Variants in CNTN5 observed in about 807,000 individuals in gnomAD.
The protein encoded by CNTN5 is contactin 5.
In CNTN5, 77 loss-of-function variants were observed where a neutral mutation model predicts 129.1. The ratio of observed to expected loss-of-function variants is 0.60; its 90% CI spans 0.50 to 0.72. The LOEUF is 0.72. CNTN5 is among the 30% of genes least tolerant of loss of function. The probability of loss-of-function intolerance (pLI) is 0.00; values close to 1 mark genes in which losing one functional copy is unlikely to be tolerated. For synonymous variants in CNTN5, 509 were observed against 465.6 expected (o/e 1.09, Z -1.20); for missense variants, 1,478 against 1,328.8 (o/e 1.11, Z -1.75).
chr11:99,809,946 G>T (rs1410775197), intron 3 of CNTN5, among the ~76,000 whole-genome samples: 1 of 151,920 alleles, frequency 6.6e-6, no homozygotes, highest in African/African-American at 2.4e-5. Context: ...AATTAATTTG[G>T]TTATATTTCT....
intron 2 of CNTN5, among the ~76,000 whole-genome samples, chr11:99,552,207 G>GTTTTTTT (rs758718492): frequency 1.4e-5 from 2 of 146,748 alleles, no homozygotes; most frequent in African/African-American, 5.1e-5. Context: ...CACCTGGTCA[G>GTTTTTTT]TTTTTGTGTT....
At chr11:99,531,765 C>T (rs1391192383) in intron 2 of CNTN5, among the ~76,000 whole-genome samples, 1 of 152,182 alleles carries the variant, frequency 6.6e-6, no homozygotes, top group African/African-American at 2.4e-5. Flanking sequence ...TGGCATTGAG[C>T]GTTCGAGTGC....
chr11:99,404,863 T>A (rs542610352), intron 2 of CNTN5, among the ~76,000 whole-genome samples: 2 of 152,276 alleles, frequency 1.3e-5, no homozygotes, highest in African/African-American at 4.8e-5. Context: ...CTTCTCTCTC[T>A]TATTGAAGTA....
intron 9 of CNTN5, among the ~76,000 whole-genome samples, chr11:100,022,292 G>T (rs1393130768): frequency 6.6e-6 from 1 of 152,164 alleles, no homozygotes; most frequent in Non-Finnish European, 1.5e-5. Flanking sequence ...TATGTAGTTG[G>T]GTCTTACTTT....
At chr11:99,217,021 A>G (rs1860161186) in intron 1 of CNTN5, among the ~76,000 whole-genome samples, 1 of 152,182 alleles carries the variant, frequency 6.6e-6, no homozygotes, top group Non-Finnish European at 1.5e-5. Context: ...CGTCTCTACT[A>G]AACATACAAA....
intron 3 of CNTN5, among the ~76,000 whole-genome samples, chr11:99,656,113 G>A (rs1952354037): frequency 6.6e-6 from 1 of 151,940 alleles, no homozygotes; most frequent in South Asian, 2.1e-4. Context: ...AGAGCTAAAT[G>A]GAGTATTAAA....
chr11:99,809,840 A>G (rs1946377858), intron 3 of CNTN5, among the ~76,000 whole-genome samples: 1 of 152,172 alleles, frequency 6.6e-6, no homozygotes, highest in East Asian at 1.9e-4. Context: ...TTAAACACAC[A>G]GAGAATAGGA....
At chr11:99,945,750 G>A (rs1950541317) in intron 7 of CNTN5, among the ~76,000 whole-genome samples, 1 of 151,890 alleles carries the variant, frequency 6.6e-6, no homozygotes, top group African/African-American at 2.4e-5. Context: ...TGGTATAAAG[G>A]CATCTTTTTC....
At chr11:99,246,828 A>C (rs538106792) in intron 1 of CNTN5, among the ~76,000 whole-genome samples, 1 of 152,258 alleles carries the variant, frequency 6.6e-6, no homozygotes, top group Non-Finnish European at 1.5e-5. Context: ...AATCATTACT[A>C]ATCATAGGCT....
At chr11:99,972,858 G>T (rs995799621) in intron 8 of CNTN5, among the ~76,000 whole-genome samples, 2 of 152,054 alleles carry the variant, frequency 1.3e-5, no homozygotes, top group Admixed American at 1.3e-4. Context: ...TTAGGAATCT[G>T]CATTTTCCAC....
chr11:99,558,621 A>G (rs1309157102), intron 3 of CNTN5, among the ~76,000 whole-genome samples: 2 of 152,066 alleles, frequency 1.3e-5, no homozygotes, highest in African/African-American at 4.8e-5. Flanking sequence ...TTGTGGAAAC[A>G]AACACAAAAA....
At chr11:99,299,659 G>T (rs1293016582) in intron 1 of CNTN5, among the ~76,000 whole-genome samples, 1 of 152,104 alleles carries the variant, frequency 6.6e-6, no homozygotes, top group East Asian at 1.9e-4. Flanking sequence ...TTGATTTTCT[G>T]TTTCTGAGTT....
At chr11:99,608,475 G>A (rs1216275328) in intron 3 of CNTN5, among the ~76,000 whole-genome samples, 1 of 152,122 alleles carries the variant, frequency 6.6e-6, no homozygotes, top group African/African-American at 2.4e-5. Flanking sequence ...CCTTTACAGA[G>A]GTAATCAATG....
At chr11:100,347,021 TG>T (rs1952295688) in intron 23 of CNTN5, among the ~76,000 whole-genome samples, 1 of 152,106 alleles carries the variant, frequency 6.6e-6, no homozygotes, top group Admixed American at 6.6e-5. Context: ...GGGAAAGACC[TG>T]TCCCCATGAT....
intron 3 of CNTN5, among the ~76,000 whole-genome samples, chr11:99,727,481 T>C (rs1943390922): frequency 1.3e-5 from 2 of 151,962 alleles, no homozygotes; most frequent in Admixed American, 6.6e-5. Context: ...TCACTAAATA[T>C]AATTTTCATA....
intron 15 of CNTN5, among the ~76,000 whole-genome samples, chr11:100,201,647 C>T (rs1250703439): frequency 6.6e-6 from 1 of 151,904 alleles, no homozygotes; most frequent in African/African-American, 2.4e-5. Flanking sequence ...TTGTCTTTCA[C>T]TATTCATATT....
At chr11:99,478,896 C>A (rs2134945) in intron 2 of CNTN5, among the ~76,000 whole-genome samples, 149,793 of 152,258 alleles carry the variant, frequency 0.98, 73,745 homozygotes, top group East Asian at 1. Flanking sequence ...ACATTAATGT[C>A]CATTTAACCT....
intron 1 of CNTN5, among the ~76,000 whole-genome samples, chr11:99,039,579 TC>T (rs1863904599): frequency 6.6e-6 from 1 of 152,106 alleles, no homozygotes. Context: ...TGTGCAAGTG[TC>T]AAACACAAAG....
At chr11:99,967,133 A>G (rs140916091) in intron 8 of CNTN5, among the ~76,000 whole-genome samples, 36 of 152,304 alleles carry the variant, frequency 2.4e-4, no homozygotes, top group African/African-American at 7.7e-4. Flanking sequence ...AAGTACAAGT[A>G]TAGAATACAC....
Sources: allele counts gnomAD v4.1 joint callset (sites outside exome capture counted in the v4.1 genomes callset), GRCh38; gene constraint gnomAD v4.1.1; transcripts MANE v1.5; gene names NCBI Gene and HGNC (gene_info 2026-07-23, HGNC 2026-07-21).